Variants in SCP2 observed in about 807,000 individuals in gnomAD.
SCP2 encodes sterol carrier protein 2, also known as SCP-2/3-oxoacyl-CoA thiolase.
SCP2 carries 48 observed loss-of-function variants against 71.4 expected under a neutral mutation model. The observed-to-expected ratio is 0.67, with a 90% CI of 0.53 to 0.86. SCP2 has a LOEUF of 0.86. Among genes scored for constraint, SCP2 ranks in the 40% least tolerant of loss-of-function variants. The pLI, the probability that SCP2 is intolerant of heterozygous loss-of-function variation, is 0.00. For missense variants in SCP2, 560 were observed against 655.6 expected (o/e 0.85, Z 1.59); for synonymous variants, 220 against 218.1 (o/e 1.01, Z -0.08).
Position 52,978,376 on chromosome 1 carries a change from G to A in SCP2, c.825+9G>A. 6.2e-7 allele frequency: 1 copy of A among 1,606,154 alleles called. No individual in the cohort carries two copies. The highest frequency in any genetic ancestry group is 2.2e-5 in the East Asian group (1 of 44,850). On this transcript the variant is annotated intron_variant, in intron 9 of 15. Transcript: ENST00000371514. ...AAAGCATTATTAAAATGGTATGTCT[G>A]AGATTCTATTTGTTATTTTTATTTT...
intron 13 of SCP2, among the ~76,000 whole-genome samples, chr1:53,030,250 T>C (rs984309057): frequency 1.3e-5 from 2 of 152,176 alleles, no homozygotes; most frequent in Non-Finnish European, 2.9e-5. Flanking sequence ...TTAAGTAGCT[T>C]CCTGTGATGA....
chr1:52,997,945 C>T (rs1376578106), intron 11 of SCP2, among the ~76,000 whole-genome samples: 3 of 152,170 alleles, frequency 2.0e-5, no homozygotes, highest in Non-Finnish European at 2.9e-5. Flanking sequence ...TGACTTCTCT[C>T]GTGATAGATT....
chr1:52,962,239 G>A (rs1365300191), intron 6 of SCP2, among the ~76,000 whole-genome samples: 1 of 152,122 alleles, frequency 6.6e-6, no homozygotes, highest in Non-Finnish European at 1.5e-5. Context: ...TGTCAACCAA[G>A]AAGAGGTGAA....
chr1:53,028,166 A>G, intron 13 of SCP2, 95 bp downstream of exon 13: 1 of 708,408 alleles, frequency 1.4e-6, no homozygotes. Flanking sequence ...ACAATTGAAA[A>G]TTTATATCAT....
At chr1:52,945,524 A>T (rs1364005436) in intron 2 of SCP2, among the ~76,000 whole-genome samples, 1 of 152,066 alleles carries the variant, frequency 6.6e-6, no homozygotes, top group Non-Finnish European at 1.5e-5. Context: ...TAACACGGTG[A>T]AAACTCCATC....
rs745760488 is a variant in SCP2 at position 52,927,403 on chromosome 1, T to C, written c.7T>C (p.Ser3Pro). ...GTCCCGCACTGGTGCAGCCATGTCCTCTTCCCCGTGGGAGCCTGCGACCCT... is the reference window on the plus strand; with the variant it reads ...GTCCCGCACTGGTGCAGCCATGTCCCCTTCCCCGTGGGAGCCTGCGACCCT... MS[S>P]SPWEPATLRR... Residue 3 changes from serine to proline, a missense_variant, in exon 1 of 16, where the codon TCT becomes CCT. By Grantham distance (74) the Ser-to-Pro change is moderately conservative (BLOSUM62 -1). Transcript: ENST00000371514. 11 of 1,594,706 alleles carry C rather than the reference T, an allele frequency of 6.9e-6. No individual in the cohort carries two copies. Among genetic ancestry groups the C allele is most frequent in the Non-Finnish European group, 9.4e-6 (11 of 1,171,752 alleles).
chr1:52,928,597 A>G (rs1572030364), intron 1 of SCP2: 2 of 152,470 alleles, frequency 1.3e-5, no homozygotes, highest in East Asian at 3.9e-4. Flanking sequence ...CCTGGCCAAC[A>G]TGGTGAAACC....
At chr1:52,967,525 T>G (rs746147447) in intron 6 of SCP2, among the ~76,000 whole-genome samples, 2 of 152,140 alleles carry the variant, frequency 1.3e-5, no homozygotes, top group Non-Finnish European at 2.9e-5. Flanking sequence ...TATTTTGAGA[T>G]GGAGTCTTGC....
rs148319380 is a variant in SCP2 at position 53,044,627 on chromosome 1, A to T, written c.1469-3231A>T. Among the ~76,000 whole-genome samples the T allele has an allele frequency of 2.9e-4, 44 of 152,358 alleles. No homozygotes were observed. In the Middle Eastern group the frequency reaches 0.017, roughly 59 times the overall value. On this transcript the variant is annotated intron_variant, in intron 14 of 15. Transcript: ENST00000371514. ...AGTTTCAGATCAGTGCACTGTGAATAAAATGTGACTTCATTTTAGGGAGAG... is the reference window on the plus strand; with the variant it reads ...AGTTTCAGATCAGTGCACTGTGAATTAAATGTGACTTCATTTTAGGGAGAG...
At chr1:52,996,102 A>G (rs1659917040) in intron 11 of SCP2, 4 of 684,224 alleles carry the variant, frequency 5.8e-6, no homozygotes, top group Non-Finnish European at 2.1e-6. Flanking sequence ...TCTACCTCAG[A>G]ATTTGTGTTT....
chr1:52,989,968 G>A (rs1020931015), intron 11 of SCP2, among the ~76,000 whole-genome samples: 1 of 152,168 alleles, frequency 6.6e-6, no homozygotes, highest in South Asian at 2.1e-4. Context: ...AAAGGCAAAG[G>A]CTAAGGTAGA....
chr1:52,969,093 G>C (rs964752647), intron 6 of SCP2, among the ~76,000 whole-genome samples: 2 of 151,340 alleles, frequency 1.3e-5, no homozygotes, highest in African/African-American at 4.9e-5. Context: ...TGGTCTTGCT[G>C]TCCCAGGTGG....
intron 6 of SCP2, among the ~76,000 whole-genome samples, chr1:52,964,214 CTTTT>C (rs200065864): frequency 1.5e-5 from 2 of 134,654 alleles, no homozygotes; most frequent in Non-Finnish European, 3.2e-5. Flanking sequence ...TCTTTTCTCT[CTTTT>C]TTTTTTTTTT....
At chr1:53,009,023 A>G (rs1008459765) in intron 11 of SCP2, among the ~76,000 whole-genome samples, 1 of 152,192 alleles carries the variant, frequency 6.6e-6, no homozygotes, top group African/African-American at 2.4e-5. Flanking sequence ...ACTCCCATTC[A>G]CAATTGCTTC....
At chr1:52,962,418 C>A (rs1401844637) in intron 6 of SCP2, among the ~76,000 whole-genome samples, 1 of 152,052 alleles carries the variant, frequency 6.6e-6, no homozygotes, top group Non-Finnish European at 1.5e-5. Flanking sequence ...TGTGCACCTC[C>A]AGAGTCAATT....
chr1:52,986,906 T>C (rs1285176800), intron 10 of SCP2, among the ~76,000 whole-genome samples: 2 of 151,052 alleles, frequency 1.3e-5, no homozygotes, highest in Non-Finnish European at 3.0e-5. Flanking sequence ...AATAACTACA[T>C]ATCACTTCAT....
At chr1:53,016,295 T>C (rs1365959195) in intron 12 of SCP2, among the ~76,000 whole-genome samples, 1 of 152,220 alleles carries the variant, frequency 6.6e-6, no homozygotes, top group Non-Finnish European at 1.5e-5. Flanking sequence ...TTTTGGGTAC[T>C]ATCTAGTTGG....
intron 11 of SCP2, among the ~76,000 whole-genome samples, chr1:52,992,678 T>C (rs1256846868): frequency 6.6e-6 from 1 of 152,058 alleles, no homozygotes; most frequent in Non-Finnish European, 1.5e-5. Context: ...AAAACAAAAG[T>C]TGTAGTATAA....
chr1:52,960,568 A>ATATATGTAGATATGTATGTATATG lies in SCP2; in HGVS notation c.397-930_397-929insGTAGATATGTATGTATATGTATAT, dbSNP rs1553145946. ...TATATACATGTGTATATATGTATGT[A>ATATATGTAGATATGTATGTATATG]TATATATGTATATATGTATGTATAT... On this transcript the variant is annotated intron_variant, in intron 5 of 15. Coordinates refer to ENST00000371514, the MANE Select transcript of SCP2 (RefSeq NM_002979.5). Among the ~76,000 whole-genome samples, 80 of 145,936 alleles carry ATATATGTAGATATGTATGTATATG rather than the reference A, an allele frequency of 5.5e-4. No individual in the cohort carries two copies. The East Asian group carries it at 0.016, about 29-fold the overall frequency.
Sources: allele counts gnomAD v4.1 joint callset (sites outside exome capture counted in the v4.1 genomes callset), GRCh38; gene constraint gnomAD v4.1.1; transcripts MANE v1.5; gene names NCBI Gene and HGNC (gene_info 2026-07-23, HGNC 2026-07-21).